Variants in SNRPN observed in about 807,000 individuals in gnomAD.
SNRPN encodes the protein small nuclear ribonucleoprotein polypeptide N, also known as small nuclear ribonucleoprotein-associated protein N.
Under a neutral mutation model 25.2 loss-of-function variants are expected in SNRPN, and 7 were observed. The observed-to-expected ratio is 0.28, with a 90% confidence interval of 0.16 to 0.52. The LOEUF is 0.52. Ranked by LOEUF, SNRPN falls within the 20% of genes least tolerant of loss-of-function variation. The pLI, the probability that SNRPN is intolerant of heterozygous loss-of-function variation, is 0.96. For missense variants in SNRPN, 196 were observed against 322.5 expected (o/e 0.61, Z 3.00); for synonymous variants, 124 against 110.6 (o/e 1.12, Z -0.76).
At chr15:24,975,312 T>G (rs759387213) in intron 4 of SNRPN, 46 bp from the exon 5 acceptor site, 5 of 1,537,890 alleles carry the variant, frequency 3.3e-6, no homozygotes, top group Admixed American at 1.7e-5. Flanking sequence ...ATTAGAAGAC[T>G]AGGGTGTTGG....
At position 24,911,054 on chromosome 15, in the gene SNRPN, C is replaced by G; in HGVS notation, c.-504-8957C>G. 3 of 1,513,884 alleles carry G rather than the reference C, an allele frequency of 2.0e-6. No individual in the cohort carries two copies. In the Middle Eastern group the frequency reaches 7.1e-4, roughly 356 times the overall value. The allele number at this position is 1,513,884 out of a possible 1,614,324, so 93.8% of individuals were successfully genotyped here. A position where few individuals can be genotyped will look rare whatever the true frequency, so the allele number is the denominator to read the frequency against. Reference sequence around the variant, plus strand: ...TGAAGTAGGAATTGGGGCTCTGCACCAGGTGTTTCTTCTTGTGTTTCCTCT... The same window carrying G: ...TGAAGTAGGAATTGGGGCTCTGCACGAGGTGTTTCTTCTTGTGTTTCCTCT... On this transcript the variant is annotated intron_variant, in intron 2 of 11. Coordinates refer to the SNRPN transcript ENST00000400097.
intron 1 of SNRPN, among the ~76,000 whole-genome samples, chr15:24,828,631 T>C (rs2050268089): frequency 6.6e-6 from 1 of 152,130 alleles, no homozygotes; most frequent in Non-Finnish European, 1.5e-5. Context: ...ATTTGATTGC[T>C]TGAGCCCAGG....
chr15:24,869,280 G>A (rs2054868951), intron 1 of SNRPN, among the ~76,000 whole-genome samples: 1 of 152,190 alleles, frequency 6.6e-6, no homozygotes, highest in Non-Finnish European at 1.5e-5. Flanking sequence ...CAGTTGCCAA[G>A]ATAATACAGA....
At chr15:24,932,090 A>G (rs2060910730) in intron 3 of SNRPN, among the ~76,000 whole-genome samples, 1 of 152,068 alleles carries the variant, frequency 6.6e-6, no homozygotes, top group Non-Finnish European at 1.5e-5. Flanking sequence ...GGCTGGAACA[A>G]AGAGTAAATT....
At chr15:24,938,023 GT>G (rs1181939622) in intron 3 of SNRPN, among the ~76,000 whole-genome samples, 1 of 151,608 alleles carries the variant, frequency 6.6e-6, no homozygotes, top group South Asian at 2.1e-4. Flanking sequence ...ATCAGTGGAT[GT>G]TTAGGTTGCT....
At chr15:24,878,171 T>C (rs2056171990) in intron 1 of SNRPN, among the ~76,000 whole-genome samples, 1 of 152,236 alleles carries the variant, frequency 6.6e-6, no homozygotes, top group Non-Finnish European at 1.5e-5. Context: ...CTTGTTAAGT[T>C]ATTCTTTAAA....
chr15:24,881,848 G>T (rs1008679281), intron 1 of SNRPN, among the ~76,000 whole-genome samples: 1 of 152,096 alleles, frequency 6.6e-6, no homozygotes, highest in Admixed American at 6.5e-5. Context: ...ATGTATAATC[G>T]TCAAGTCTTC....
chr15:24,909,043 T>G, intron 2 of SNRPN: 2 of 1,427,834 alleles, frequency 1.4e-6, no homozygotes, highest in Admixed American at 3.4e-5. Context: ...TCTTTTTAAC[T>G]TCTTTCTTGG....
At chr15:24,870,937 A>G (rs2055053111) in intron 1 of SNRPN, among the ~76,000 whole-genome samples, 1 of 151,212 alleles carries the variant, frequency 6.6e-6, no homozygotes, top group South Asian at 2.1e-4. Flanking sequence ...CTGGAGTGCA[A>G]TGGTGTGTTC....
chr15:24,873,743 G>A (rs1200381953), intron 1 of SNRPN, among the ~76,000 whole-genome samples: 1 of 152,008 alleles, frequency 6.6e-6, no homozygotes, highest in Non-Finnish European at 1.5e-5. Context: ...CACCGTGCCT[G>A]GCCAACTCTT....
intron 1 of SNRPN, among the ~76,000 whole-genome samples, chr15:24,874,488 A>G (rs1172624812): frequency 6.6e-6 from 1 of 152,036 alleles, no homozygotes; most frequent in Admixed American, 6.6e-5. Context: ...GTTTATACTG[A>G]TAAGTGGGCA....
At position 24,877,258 on chromosome 15, in the gene SNRPN, A is replaced by G. The variant is rs116131459; in HGVS notation, c.-578-9258A>G. On this transcript the variant is annotated intron_variant, in intron 1 of 11. Coordinates refer to the SNRPN transcript ENST00000400097. ...TTCAATAATGAATTCTCCACCTGGA[A>G]AAGGACATTTCAGCTCCAAGTCCAG... Among the ~76,000 whole-genome samples the G allele has an allele frequency of 6.5e-3, 995 of 152,306 alleles. 11 individuals carry two copies. The highest frequency in any genetic ancestry group is 0.023 in the African/African-American group (957 of 41,570).
intron 4 of SNRPN, chr15:24,974,764 G>A: frequency 1.6e-6 from 1 of 615,074 alleles, no homozygotes; most frequent in Admixed American, 2.8e-5. Flanking sequence ...TCACTGTGTT[G>A]GCCAGGCTGG....
At chr15:24,939,753 T>TG (rs943663395) in intron 3 of SNRPN, among the ~76,000 whole-genome samples, 4 of 2,338 alleles carry the variant, frequency 1.7e-3, no homozygotes, top group African/African-American at 7.5e-3. Context: ...TAAAATCAGG[T>TG]TTTTTTTTTT....
intron 3 of SNRPN, among the ~76,000 whole-genome samples, chr15:24,935,286 T>C (rs1318886565): frequency 5.4e-5 from 8 of 149,312 alleles, no homozygotes; most frequent in Non-Finnish European, 1.2e-4. Context: ...AAAAAAAAAG[T>C]TCGATTTTTG....
chr15:24,891,621 A>G (rs1366495577), intron 2 of SNRPN, among the ~76,000 whole-genome samples: 2 of 152,116 alleles, frequency 1.3e-5, no homozygotes, highest in African/African-American at 4.8e-5. Context: ...TATTTTTAGT[A>G]GAAATGGTGT....
At chr15:24,967,833 TATCTTCTTA>T in intron 2 of SNRPN, 90 bp from the exon 3 acceptor site, 1 of 741,102 alleles carries the variant, frequency 1.3e-6, no homozygotes, top group East Asian at 3.3e-5. Flanking sequence ...AAAAAAGGAA[TATCTTCTTA>T]AATGTAAGGG....
chr15:24,946,666 C>G (rs188527764), intron 3 of SNRPN, among the ~76,000 whole-genome samples: 2 of 152,158 alleles, frequency 1.3e-5, no homozygotes, highest in Non-Finnish European at 2.9e-5. Flanking sequence ...GATGGGGTCT[C>G]CCTATGTTAT....
intron 3 of SNRPN, among the ~76,000 whole-genome samples, chr15:24,920,276 T>TTTTAATTACGA (rs2059951446): frequency 6.6e-6 from 1 of 152,234 alleles, no homozygotes; most frequent in African/African-American, 2.4e-5. Context: ...GCCGTGTTCA[T>TTTTAATTACGA]TTTAATTACG....
Sources: allele counts gnomAD v4.1 joint callset (sites outside exome capture counted in the v4.1 genomes callset), GRCh38; gene constraint gnomAD v4.1.1; transcripts MANE v1.5; gene names NCBI Gene and HGNC (gene_info 2026-07-23, HGNC 2026-07-21).